Variants in ADAMTS6 observed in about 807,000 individuals in gnomAD.
The protein encoded by ADAMTS6 is ADAM metallopeptidase with thrombospondin type 1 motif 6.
In ADAMTS6, 23 loss-of-function variants were observed where a neutral mutation model predicts 144.3. The observed-to-expected ratio is 0.16, with a 90% CI of 0.11 to 0.23. The LOEUF is 0.23. Ranked by LOEUF, ADAMTS6 falls within the 10% of genes least tolerant of loss-of-function variation. The pLI is 1.00. For synonymous variants in ADAMTS6, 444 were observed against 457.5 expected (o/e 0.97, Z 0.38); for missense variants, 999 against 1,379.6 (o/e 0.72, Z 4.37).
chr5:65,317,848 T>C lies in ADAMTS6; in HGVS notation c.1223+11530A>G, dbSNP rs111941986. On this transcript the variant is annotated intron_variant, in intron 9 of 24. Transcript: ENST00000381055. ...CAGCACTTTGGGAGGCCGAGGCGGG[T>C]GGATCACGAGGTCAGGAGATCGAGA... Among the ~76,000 whole-genome samples, 1,330 of 151,508 alleles carry C rather than the reference T, an allele frequency of 8.8e-3. 21 individuals carry two copies. Among genetic ancestry groups the C allele is most frequent in the African/African-American group, 0.03 (1,254 of 41,366 alleles).
At chr5:65,373,958 G>T (rs538109925) in intron 7 of ADAMTS6, among the ~76,000 whole-genome samples, 3 of 152,106 alleles carry the variant, frequency 2.0e-5, no homozygotes, top group African/African-American at 7.2e-5. Flanking sequence ...TTCAATATAC[G>T]CAAATCAGTA....
intron 11 of ADAMTS6, among the ~76,000 whole-genome samples, chr5:65,284,275 ACTAT>A (rs1044826491): frequency 1.3e-5 from 2 of 152,082 alleles, no homozygotes; most frequent in African/African-American, 4.8e-5. Context: ...AGAGAACTCA[ACTAT>A]CTTGTCTCTA....
intron 15 of ADAMTS6, among the ~76,000 whole-genome samples, chr5:65,228,748 T>A (rs1757912390): frequency 6.6e-6 from 1 of 152,168 alleles, no homozygotes; most frequent in Non-Finnish European, 1.5e-5. Flanking sequence ...AGTGAGAGTA[T>A]AGAGAGTAAG....
In ADAMTS6 at chr5:65,298,081, C is replaced by A. The variant is rs553146697; in HGVS notation, c.1370+1904G>T. 2.6e-5 allele frequency among the ~76,000 whole-genome samples: 4 copies of A among 152,198 alleles called. No homozygotes were observed. In the East Asian group the frequency reaches 7.7e-4, roughly 29 times the overall value. On this transcript the variant is annotated intron_variant, in intron 10 of 24. Transcript: ENST00000381055. Reference sequence around the variant, plus strand: ...ACTAGTAATACTTTTATGTCCCTCACCAAACCAGTGGGTGATTTTTAAACT... The same window carrying A: ...ACTAGTAATACTTTTATGTCCCTCAACAAACCAGTGGGTGATTTTTAAACT...
Position 65,172,881 on chromosome 5 carries a change from C to G in ADAMTS6, c.3038G>C (p.Ser1013Thr). ...ESKPPVRIRC[S>T]LGRCPPPRWV... ...GCGAGGAGGAGGGCAGCGGCCCAAA[C>G]TGCAGCGGATGCGGACAGGAGGTTT... The change falls in exon 23 of 25, where the codon AGT (serine) becomes ACT (threonine). Residue 1013 changes from serine (S) to threonine (T), a missense_variant. Ser to Thr is a moderately conservative substitution (Grantham distance 58). Coordinates refer to ENST00000381055, the MANE Select transcript of ADAMTS6 (RefSeq NM_197941.4). The G allele has an allele frequency of 6.2e-7, 1 of 1,614,256 alleles. No homozygotes were observed.
intron 6 of ADAMTS6, 77 bp from the exon 7 acceptor site, chr5:65,451,697 G>T: frequency 1.3e-6 from 2 of 1,518,762 alleles, no homozygotes; most frequent in Non-Finnish European, 1.8e-6. Flanking sequence ...GAAGACTGAA[G>T]TGGGACTATA....
intron 7 of ADAMTS6, among the ~76,000 whole-genome samples, chr5:65,389,060 C>T (rs1752699371): frequency 1.3e-5 from 2 of 152,180 alleles, no homozygotes; most frequent in Admixed American, 6.5e-5. Flanking sequence ...AAAAATTAGC[C>T]GGGCGTGGTG....
At chr5:65,159,993 G>A (rs1752654608) in intron 24 of ADAMTS6, among the ~76,000 whole-genome samples, 1 of 152,190 alleles carries the variant, frequency 6.6e-6, no homozygotes, top group African/African-American at 2.4e-5. Flanking sequence ...CAGCTTTGCT[G>A]TATGTTTGAA....
At chr5:65,302,105 A>ATAT (rs1263220399) in intron 9 of ADAMTS6, among the ~76,000 whole-genome samples, 49 of 49,658 alleles carry the variant, frequency 9.9e-4, no homozygotes, top group African/African-American at 3.4e-3. Context: ...AAAAAAAAAA[A>ATAT]AAATATATAT....
At chr5:65,308,916 G>A (rs900731480) in intron 9 of ADAMTS6, among the ~76,000 whole-genome samples, 9 of 152,086 alleles carry the variant, frequency 5.9e-5, no homozygotes, top group African/African-American at 2.2e-4. Flanking sequence ...TAAAACTATG[G>A]TAATTAAAAG....
chr5:65,172,725 G>C lies in ADAMTS6; in HGVS notation c.3087+107C>G, dbSNP rs1753711690. ...ATGCCTCATACTTAGACTTCTACGT[G>C]TTAATTCTTACTCATCTCTCAAGCC... is the stretch of plus-strand genomic sequence containing the variant. On this transcript the variant is annotated intron_variant, in intron 23 of 24. Coordinates refer to ENST00000381055, the MANE Select transcript of ADAMTS6 (RefSeq NM_197941.4). 1.1e-5 allele frequency: 14 copies of C among 1,319,290 alleles called. No homozygotes were observed. The South Asian group carries it at 2.0e-4, about 19-fold the overall frequency. 81.7% of individuals were successfully genotyped at this position (1,319,290 alleles called of 1,614,324 possible). A position where few individuals can be genotyped will look rare whatever the true frequency, so the allele number is the denominator to read the frequency against.
At chr5:65,397,187 CTTTCA>C (rs1476359920) in intron 7 of ADAMTS6, among the ~76,000 whole-genome samples, 1 of 152,144 alleles carries the variant, frequency 6.6e-6, no homozygotes, top group African/African-American at 2.4e-5. Context: ...GATGTTCCCT[CTTTCA>C]TTTCTAGTAT....
intron 2 of ADAMTS6, among the ~76,000 whole-genome samples, chr5:65,471,985 G>A (rs1250769115): frequency 6.6e-6 from 1 of 152,024 alleles, no homozygotes; most frequent in Non-Finnish European, 1.5e-5. Context: ...TACTCAAAAA[G>A]GGGAATTAAA....
At chr5:65,440,743 T>C (rs1178418185) in intron 7 of ADAMTS6, among the ~76,000 whole-genome samples, 1 of 151,908 alleles carries the variant, frequency 6.6e-6, no homozygotes, top group Non-Finnish European at 1.5e-5. Flanking sequence ...CCAGACCAAC[T>C]GGAAAACCAC....
At chr5:65,371,416 A>C (rs1392569300) in intron 7 of ADAMTS6, among the ~76,000 whole-genome samples, 1 of 152,026 alleles carries the variant, frequency 6.6e-6, no homozygotes, top group Non-Finnish European at 1.5e-5. Flanking sequence ...CAATACAGAG[A>C]AGTGCTTAAA....
intron 7 of ADAMTS6, among the ~76,000 whole-genome samples, chr5:65,433,674 G>C (rs917277550): frequency 7.9e-5 from 12 of 152,128 alleles, no homozygotes; most frequent in Admixed American, 7.2e-4. Context: ...CTATCAGTGA[G>C]CTGCAAGTCA....
chr5:65,338,411 C>T (rs944576639), intron 7 of ADAMTS6, among the ~76,000 whole-genome samples: 15 of 152,242 alleles, frequency 9.9e-5, no homozygotes, highest in African/African-American at 3.6e-4. Context: ...CGTTGGTATA[C>T]TTTTTGGGTA....
intron 24 of ADAMTS6, among the ~76,000 whole-genome samples, chr5:65,159,314 C>T (rs990420218): frequency 1.3e-5 from 2 of 152,184 alleles, no homozygotes; most frequent in Non-Finnish European, 2.9e-5. Context: ...CTGAGCATAT[C>T]AAACCCCAGT....
At chr5:65,164,185 G>A (rs1157891232) in intron 24 of ADAMTS6, among the ~76,000 whole-genome samples, 5 of 151,904 alleles carry the variant, frequency 3.3e-5, no homozygotes, top group African/African-American at 1.2e-4. Context: ...CACCGTGCGC[G>A]AGCCGAAGCA....
Sources: gnomAD v4.1 joint callset for allele counts (sites outside exome capture counted in the v4.1 genomes callset) on GRCh38, gnomAD v4.1.1 for gene constraint, MANE v1.5 for transcripts, NCBI Gene and HGNC (gene_info 2026-07-23, HGNC 2026-07-21) for gene names.